Variants in CD1B observed in about 807,000 individuals in gnomAD.
The protein encoded by CD1B is T-cell surface glycoprotein CD1b.
Under a neutral mutation model 39.8 loss-of-function variants are expected in CD1B, and 43 were observed. The ratio of observed to expected loss-of-function variants is 1.08; its 90% confidence interval spans 0.85 to 1.39. CD1B has a LOEUF of 1.39. Among genes scored for constraint, CD1B ranks in the 40% most tolerant of loss-of-function variants. CD1B has a pLI of 0.00. For synonymous variants in CD1B, 192 were observed against 152.5 expected (o/e 1.26, Z -1.91); for missense variants, 495 against 403.8 (o/e 1.23, Z -1.94).
Position 158,331,366 on chromosome 1 carries a change from G to A in CD1B, c.58C>T (p.His20Tyr), listed in dbSNP as rs1394701046. The A allele has an allele frequency of 6.2e-7, 1 of 1,613,422 alleles. No individual in the cohort carries two copies. Among genetic ancestry groups the A allele is most frequent in the Admixed American group, 1.7e-5 (1 of 60,010 alleles). Residue 20 changes from histidine to tyrosine, a missense_variant, in exon 1 of 6, where the codon CAT becomes TAT. By Grantham distance (83) the His-to-Tyr change is moderately conservative. Coordinates refer to ENST00000368168, the MANE Select transcript of CD1B (RefSeq NM_001764.3). ...AVLFPGGNSE[H>Y]AFQGPTSFHV... ...GAGCTGCCAGAGTGACTCTTACCAT[G>A]TTCACTGTTACCACCAGGAAAGAGA... is the stretch of plus-strand genomic sequence containing the variant.
At chr1:158,314,277 G>A in the CD1B span, among the ~76,000 whole-genome samples, 1 of 152,066 alleles carries the variant, frequency 6.6e-6, no homozygotes, top group South Asian at 2.1e-4. Flanking sequence ...TAGAGATGGG[G>A]TTTCACCATG....
the CD1B span, chr1:158,292,786 C>A: frequency 6.8e-6 from 11 of 1,614,040 alleles, no homozygotes; most frequent in African/African-American, 2.7e-5. Flanking sequence ...TTCAGGTGAT[C>A]CTGGAGGTGG....
chr1:158,312,226 A>C, the CD1B span, among the ~76,000 whole-genome samples: 1 of 152,160 alleles, frequency 6.6e-6, no homozygotes, highest in South Asian at 2.1e-4. Flanking sequence ...GTGGGAGATA[A>C]TTGAATCATG....
At chr1:158,290,050 A>G in the CD1B span, 1 of 1,613,436 alleles carries the variant, frequency 6.2e-7, no homozygotes. Flanking sequence ...AGAGAAAGAA[A>G]CATCTGCAAA....
chr1:158,298,645 G>A, the CD1B span, among the ~76,000 whole-genome samples: 5 of 152,318 alleles, frequency 3.3e-5, no homozygotes, highest in South Asian at 2.1e-4. Flanking sequence ...TCCTATCGAT[G>A]AGCATGGAAT....
chr1:158,290,083 C>T, the CD1B span: 2 of 1,613,918 alleles, frequency 1.2e-6, no homozygotes, highest in Non-Finnish European at 1.7e-6. Context: ...TCTGCAGTTT[C>T]TGCTGCTAGC....
At chr1:158,299,734 A>G in the CD1B span, among the ~76,000 whole-genome samples, 1 of 152,094 alleles carries the variant, frequency 6.6e-6, no homozygotes, top group African/African-American at 2.4e-5. Flanking sequence ...TGTGTCGAGG[A>G]ATTTATCCAT....
the CD1B span, among the ~76,000 whole-genome samples, chr1:158,289,538 G>A: frequency 6.6e-6 from 1 of 152,112 alleles, no homozygotes; most frequent in Non-Finnish European, 1.5e-5. Flanking sequence ...GGTGAAAAGA[G>A]GTGAAATTGG....
the CD1B span, chr1:158,292,549 G>A: frequency 4.4e-6 from 7 of 1,591,594 alleles, no homozygotes; most frequent in Non-Finnish European, 6.0e-6. Context: ...GTGGATGTAA[G>A]TTGTGTGTAA....
chr1:158,307,370 C>A, the CD1B span, among the ~76,000 whole-genome samples: 1 of 152,088 alleles, frequency 6.6e-6, no homozygotes, highest in African/African-American at 2.4e-5. Flanking sequence ...TACACCCCCC[C>A]AAGACTAAAT....
chr1:158,315,310 C>T, the CD1B span, among the ~76,000 whole-genome samples: 18 of 152,206 alleles, frequency 1.2e-4, no homozygotes, highest in East Asian at 2.3e-3. Flanking sequence ...ACATCCTCCC[C>T]AGCACCTGTT....
the CD1B span, chr1:158,293,548 C>T: frequency 2.5e-6 from 4 of 1,613,724 alleles, no homozygotes; most frequent in Non-Finnish European, 3.4e-6. Context: ...TATAGTGATG[C>T]CATCCCGTCG....
the CD1B span, among the ~76,000 whole-genome samples, chr1:158,294,967 G>T: frequency 6.6e-6 from 1 of 152,068 alleles, no homozygotes. Context: ...CTTGGGTCCT[G>T]CTTCCATTGC....
the CD1B span, among the ~76,000 whole-genome samples, chr1:158,306,727 T>G: frequency 6.6e-6 from 1 of 152,196 alleles, no homozygotes; most frequent in Non-Finnish European, 1.5e-5. Flanking sequence ...TATAACAAAC[T>G]GTCTCTCAGA....
the CD1B span, chr1:158,290,175 T>C: frequency 6.5e-7 from 1 of 1,541,248 alleles, no homozygotes; most frequent in South Asian, 1.1e-5. Context: ...GGGTAGAGTG[T>C]GCTGGGCTTT....
At chr1:158,296,373 A>G in the CD1B span, among the ~76,000 whole-genome samples, 1 of 152,192 alleles carries the variant, frequency 6.6e-6, no homozygotes, top group Non-Finnish European at 1.5e-5. Flanking sequence ...AAATAAAGCT[A>G]GCTCACTGAC....
rs759173557 is a variant in CD1B at position 158,328,203 on chromosome 1, T to C, written c.*33A>G. ...CTGATATCTTGGGCTTCTTGGTACTTATTGCGAATGGGAGAGGAGACATGA... is the reference window on the plus strand; with the variant it reads ...CTGATATCTTGGGCTTCTTGGTACTCATTGCGAATGGGAGAGGAGACATGA... On this transcript the variant is annotated 3_prime_UTR_variant, in exon 6 of 6. Coordinates refer to ENST00000368168, the MANE Select transcript of CD1B (RefSeq NM_001764.3). 16 of 1,579,220 alleles carry C rather than the reference T, an allele frequency of 1.0e-5. No homozygotes were observed. In the South Asian group the frequency reaches 1.2e-4, roughly 12 times the overall value.
At chr1:158,317,338 T>G in the CD1B span, among the ~76,000 whole-genome samples, 1 of 152,144 alleles carries the variant, frequency 6.6e-6, no homozygotes, top group African/African-American at 2.4e-5. Flanking sequence ...CACAATTTCA[T>G]ATCCTGTTAT....
Position 158,328,910 on chromosome 1 carries a change from C to A in CD1B, c.980+11G>T. ...ATATTAAAAAAAAAAACAACACCAC[C>A]CACAACTCACCGGCGCCTCATATAC... On this transcript the variant is annotated intron_variant, in intron 5 of 5. Transcript: ENST00000368168. 3 of 1,585,556 alleles carry A rather than the reference C, an allele frequency of 1.9e-6. No homozygotes were observed. Among genetic ancestry groups the A allele is most frequent in the Non-Finnish European group, 1.7e-6 (2 of 1,167,398 alleles).
Sources: allele counts gnomAD v4.1 joint callset (sites outside exome capture counted in the v4.1 genomes callset), GRCh38; gene constraint gnomAD v4.1.1; transcripts MANE v1.5; gene names NCBI Gene and HGNC (gene_info 2026-07-23, HGNC 2026-07-21).